IL1RAPL2: variants seen among roughly 807,000 people sequenced by gnomAD.
IL1RAPL2 encodes the protein X-linked interleukin-1 receptor accessory protein-like 2.
In IL1RAPL2, 3 loss-of-function variants were observed where a neutral mutation model predicts 44.1. The observed-to-expected ratio is 0.07, with a 90% CI of 0.03 to 0.18. IL1RAPL2 has a LOEUF of 0.18. Ranked by LOEUF, IL1RAPL2 falls within the 10% of genes least tolerant of loss-of-function variation. The pLI, the probability that IL1RAPL2 is intolerant of heterozygous loss-of-function variation, is 1.00. For synonymous variants in IL1RAPL2, 181 were observed against 178.8 expected (o/e 1.01, Z -0.10); for missense variants, 391 against 496.4 (o/e 0.79, Z 2.02).
At chrX:105,119,307 A>G (rs1279826404) in intron 2 of IL1RAPL2, among the ~76,000 whole-genome samples, 1 of 111,457 alleles carries the variant, frequency 9.0e-6, no homozygotes, top group Non-Finnish European at 1.9e-5. Context: ...TAAGCCTAGT[A>G]AAGGAGAATG....
intron 2 of IL1RAPL2, among the ~76,000 whole-genome samples, chrX:104,851,995 C>T (rs1223428079): frequency 5.4e-5 from 6 of 111,548 alleles, no homozygotes; most frequent in African/African-American, 2.0e-4. Context: ...ACACCTCCCA[C>T]TAGGCCCCAC....
At chrX:105,341,837 A>G (rs1020998102) in intron 5 of IL1RAPL2, among the ~76,000 whole-genome samples, 5 of 110,973 alleles carry the variant, frequency 4.5e-5, no homozygotes, top group Non-Finnish European at 9.4e-5. Context: ...AGGCTGACCC[A>G]GGAGAATGGC....
intron 2 of IL1RAPL2, among the ~76,000 whole-genome samples, chrX:105,037,918 G>A (rs1454973630): frequency 9.0e-6 from 1 of 111,400 alleles, no homozygotes; most frequent in Non-Finnish European, 1.9e-5. Context: ...GAGTAGGAGG[G>A]GACACTCATT....
At chrX:105,273,995 A>G (rs767081492) in intron 5 of IL1RAPL2, among the ~76,000 whole-genome samples, 70 of 111,807 alleles carry the variant, frequency 6.3e-4, no homozygotes, top group Admixed American at 1.0e-3. Context: ...GGTCTTTCCA[A>G]TTCTCAGATG....
At chrX:105,506,620 G>C (rs981551528) in intron 6 of IL1RAPL2, among the ~76,000 whole-genome samples, 3 of 111,637 alleles carry the variant, frequency 2.7e-5, no homozygotes, top group African/African-American at 3.3e-5. Context: ...AATTTAAGGA[G>C]AAGTGAAATT....
intron 1 of IL1RAPL2, among the ~76,000 whole-genome samples, chrX:104,611,898 C>T (rs1929170828): frequency 9.5e-6 from 1 of 105,651 alleles, no homozygotes; most frequent in Non-Finnish European, 1.9e-5. Flanking sequence ...TGCTGGGGTT[C>T]ATGGGCATGG....
intron 2 of IL1RAPL2, among the ~76,000 whole-genome samples, chrX:104,983,589 ATATAT>A (rs201743781): frequency 0.33 from 30,175 of 90,096 alleles, 5,072 homozygotes; most frequent in Non-Finnish European, 0.44. Context: ...ATAATATATA[ATATAT>A]TATATGCATA....
At chrX:104,706,441 G>C (rs967613872) in intron 2 of IL1RAPL2, among the ~76,000 whole-genome samples, 4 of 111,632 alleles carry the variant, frequency 3.6e-5, no homozygotes, top group Non-Finnish European at 1.9e-5. Context: ...GAAGACTACT[G>C]CTAAGTAAGT....
rs1287477665 is a variant in IL1RAPL2, at chrX:105,012,645, T to TCTCTCTCTCTCTCA, written c.83-182829_83-182828insTCTCTCTCTCTCAC. On this transcript the variant is annotated intron_variant, in intron 2 of 10. Coordinates refer to ENST00000372582, the MANE Select transcript of IL1RAPL2 (RefSeq NM_017416.2). ...CTCTCTCTCTCTCTCTCTCTCTCTC[T>TCTCTCTCTCTCTCA]CACACACACACACACACACACACAC... Among the ~76,000 whole-genome samples, 9 of 48,505 alleles carry TCTCTCTCTCTCTCA rather than the reference T, an allele frequency of 1.9e-4. No individual in the cohort carries two copies. In the East Asian group the frequency reaches 3.3e-3, roughly 18 times the overall value. The allele number at this position is 48,505 out of a possible 115,157, so 42.1% of individuals were successfully genotyped here. A position where few individuals can be genotyped will look rare whatever the true frequency, so the allele number is the denominator to read the frequency against.
chrX:104,607,881 A>G (rs1406264548), intron 1 of IL1RAPL2, among the ~76,000 whole-genome samples: 1 of 112,100 alleles, frequency 8.9e-6, no homozygotes, highest in Non-Finnish European at 1.9e-5. Context: ...ATTACTGGGT[A>G]TACACCCAAA....
chrX:105,680,671 A>T (rs1467322398), intron 6 of IL1RAPL2, among the ~76,000 whole-genome samples: 3 of 112,199 alleles, frequency 2.7e-5, no homozygotes, highest in African/African-American at 9.7e-5. Flanking sequence ...GGGGTCAACA[A>T]GGAGAATAAA....
At position 105,302,167 on chromosome X, in the gene IL1RAPL2, G is replaced by A. The variant is rs186589768; in HGVS notation, c.697+34626G>A. Among the ~76,000 whole-genome samples, 472 of 111,924 alleles carry A rather than the reference G, an allele frequency of 4.2e-3. 3 individuals carry two copies. Among genetic ancestry groups the A allele is most frequent in the Non-Finnish European group, 4.3e-3 (230 of 53,176 alleles). On this transcript the variant is annotated intron_variant, in intron 5 of 10. Coordinates refer to ENST00000372582, the MANE Select transcript of IL1RAPL2 (RefSeq NM_017416.2). ...CTTTGCCATTTGTATGTCTTCTTTT[G>A]AGAAATGTCTGTTGAGATCTTTTGC...
intron 2 of IL1RAPL2, among the ~76,000 whole-genome samples, chrX:104,848,155 T>G (rs1922109295): frequency 9.1e-6 from 1 of 110,045 alleles, no homozygotes; most frequent in African/African-American, 3.3e-5. Flanking sequence ...ACCATTTGAC[T>G]TCCTCTTTTC....
At chrX:105,101,248 T>G (rs2032667624) in intron 2 of IL1RAPL2, among the ~76,000 whole-genome samples, 1 of 112,094 alleles carries the variant, frequency 8.9e-6, no homozygotes, top group Non-Finnish European at 1.9e-5. Context: ...TAGAGTTTAC[T>G]TGGCCCTCTG....
rs778750591 is a variant in IL1RAPL2 at position 105,673,919 on chromosome X, G to T, written c.773-43448G>T. Among the ~76,000 whole-genome samples the T allele has an allele frequency of 3.6e-5, 4 of 112,151 alleles. No individual in the cohort carries two copies. The South Asian group carries it at 1.1e-3, about 31-fold the overall frequency. ...TTGATTTGTATTTCTCTAATGATCA[G>T]TGATGTTGATCTTTTTTTCATATGT... On this transcript the variant is annotated intron_variant, in intron 6 of 10. Coordinates refer to ENST00000372582, the MANE Select transcript of IL1RAPL2 (RefSeq NM_017416.2).
At chrX:105,241,854 C>CA (rs1421057227) in intron 4 of IL1RAPL2, among the ~76,000 whole-genome samples, 1 of 111,980 alleles carries the variant, frequency 8.9e-6, no homozygotes, top group Non-Finnish European at 1.9e-5. Context: ...AATCTAGGCA[C>CA]AAAAATCCAC....
intron 4 of IL1RAPL2, among the ~76,000 whole-genome samples, chrX:105,251,952 A>G (rs955283189): frequency 9.0e-6 from 1 of 111,024 alleles, no homozygotes; most frequent in African/African-American, 3.3e-5. Context: ...ATTATTATGT[A>G]TAATTTACAA....
At chrX:105,680,908 C>A (rs987229323) in intron 6 of IL1RAPL2, among the ~76,000 whole-genome samples, 1 of 111,724 alleles carries the variant, frequency 9.0e-6, no homozygotes, top group Non-Finnish European at 1.9e-5. Flanking sequence ...TGAGGACCCC[C>A]AAAACCTAGA....
intron 5 of IL1RAPL2, among the ~76,000 whole-genome samples, chrX:105,404,740 G>T (rs1023190825): frequency 1.8e-5 from 2 of 111,719 alleles, no homozygotes; most frequent in African/African-American, 6.5e-5. Context: ...ATCTGAAAAG[G>T]TATTTTTCTT....
Sources: gnomAD v4.1 joint callset for allele counts (sites outside exome capture counted in the v4.1 genomes callset) on GRCh38, gnomAD v4.1.1 for gene constraint, MANE v1.5 for transcripts, NCBI Gene and HGNC (gene_info 2026-07-23, HGNC 2026-07-21) for gene names.